DNAH9: variants seen among roughly 807,000 people sequenced by gnomAD.
DNAH9 encodes DNAH9 variant protein.
A neutral mutation model predicts 471.6 loss-of-function variants in DNAH9; 345 were observed. That is an observed-to-expected ratio of 0.73 (90% CI 0.67 to 0.80). DNAH9 has a LOEUF of 0.80. DNAH9 is among the 30% of genes least tolerant of loss of function. The pLI is 0.00. For synonymous variants in DNAH9, 2,093 were observed against 2,123.6 expected, an observed-to-expected ratio of 0.99 and a Z score of 0.40; for missense variants, 5,407 against 5,609.2, an observed-to-expected ratio of 0.96 and a Z score of 1.15.
intron 24 of DNAH9, among the ~76,000 whole-genome samples, chr17:11,702,632 G>A (rs577523073): frequency 2.2e-4 from 34 of 152,292 alleles, no homozygotes; most frequent in African/African-American, 8.2e-4. Flanking sequence ...AACCAAGCAA[G>A]AAACTGTTGG....
intron 8 of DNAH9, among the ~76,000 whole-genome samples, chr17:11,633,194 C>T (rs1259564870): frequency 6.6e-6 from 1 of 152,138 alleles, no homozygotes; most frequent in South Asian, 2.1e-4. Flanking sequence ...GTAGATGATG[C>T]ATAGGTAAAT....
At chr17:11,752,428 C>T (rs1409420070) in intron 32 of DNAH9, among the ~76,000 whole-genome samples, 1 of 152,188 alleles carries the variant, frequency 6.6e-6, no homozygotes, top group East Asian at 1.9e-4. Context: ...ACCTTGGGCA[C>T]TGCCAGGTTT....
chr17:11,742,795 G>A (rs937738697), intron 30 of DNAH9, among the ~76,000 whole-genome samples: 2 of 152,176 alleles, frequency 1.3e-5, no homozygotes, highest in African/African-American at 2.4e-5. Context: ...TGCCTTGAAC[G>A]GAGAATTTCT....
chr17:11,846,998 C>T (rs998460152), intron 49 of DNAH9, among the ~76,000 whole-genome samples: 11 of 151,678 alleles, frequency 7.3e-5, no homozygotes, highest in African/African-American at 2.7e-4. Flanking sequence ...CCCTTTATTT[C>T]CTTCTCCTGC....
At chr17:11,599,376 G>A (rs1344166360) in intron 1 of DNAH9, among the ~76,000 whole-genome samples, 2 of 152,184 alleles carry the variant, frequency 1.3e-5, no homozygotes, top group Non-Finnish European at 1.5e-5. Flanking sequence ...TCAGTGGGGT[G>A]GAAGGAGGTG....
intron 50 of DNAH9, among the ~76,000 whole-genome samples, chr17:11,866,213 G>C (rs1449163636): frequency 1.3e-5 from 2 of 151,846 alleles, no homozygotes; most frequent in African/African-American, 2.4e-5. Flanking sequence ...TGTCCTTTCT[G>C]TTTGTTAGTT....
At chr17:11,807,605 C>T (rs1303502376) in intron 43 of DNAH9, 127 bp from the exon 44 acceptor site, 12 of 1,028,326 alleles carry the variant, frequency 1.2e-5, no homozygotes, top group African/African-American at 6.4e-5. Context: ...ATCTAATAAA[C>T]GTTTCCCACA....
At chr17:11,805,445 A>C (rs1054469708) in intron 43 of DNAH9, among the ~76,000 whole-genome samples, 2 of 149,850 alleles carry the variant, frequency 1.3e-5, no homozygotes, top group Non-Finnish European at 3.0e-5. Context: ...TAACACAGAC[A>C]GGAGCACAGG....
intron 38 of DNAH9, among the ~76,000 whole-genome samples, chr17:11,771,150 G>C (rs950724144): frequency 3.9e-5 from 6 of 151,912 alleles, no homozygotes; most frequent in African/African-American, 1.5e-4. Context: ...TTTTGAGATG[G>C]AGTTTCACTC....
chr17:11,644,504 T>C (rs920599522), intron 10 of DNAH9, 127 bp from the exon 11 acceptor site: 3 of 671,254 alleles, frequency 4.5e-6, no homozygotes, highest in African/African-American at 1.9e-5. Context: ...GAAAGGCTCT[T>C]TCAGGGCTGT....
At chr17:11,714,467 T>G (rs2074926045) in intron 26 of DNAH9, among the ~76,000 whole-genome samples, 1 of 152,222 alleles carries the variant, frequency 6.6e-6, no homozygotes, top group African/African-American at 2.4e-5. Context: ...AGGTAGATAC[T>G]GTTGCATTCA....
chr17:11,842,869 GAC>G (rs999942972), intron 49 of DNAH9, among the ~76,000 whole-genome samples: 4 of 152,154 alleles, frequency 2.6e-5, no homozygotes, highest in African/African-American at 9.7e-5. Context: ...CACCCTCACA[GAC>G]ACACCCAGGA....
At chr17:11,624,864 A>G (rs1430325430) in intron 6 of DNAH9, among the ~76,000 whole-genome samples, 1 of 152,136 alleles carries the variant, frequency 6.6e-6, no homozygotes, top group Non-Finnish European at 1.5e-5. Flanking sequence ...TACAATTTCT[A>G]GGTCTTTATA....
rs568466387 is a variant in DNAH9 at position 11,701,977 on chromosome 17, C to T, written c.5151+730C>T. 1.8e-4 allele frequency among the ~76,000 whole-genome samples: 27 copies of T among 152,294 alleles called. No homozygotes were observed. In the East Asian group the frequency reaches 2.7e-3, roughly 15 times the overall value. The stretch of plus-strand genomic sequence containing the variant: ...GATTACAGACGTGAGCCTCCGCGCC[C>T]GGCCATGACAGGTGTTTTAATAGGG... On this transcript the variant is annotated intron_variant, in intron 24 of 68. Coordinates refer to ENST00000262442, the MANE Select transcript of DNAH9 (RefSeq NM_001372.4).
intron 22 of DNAH9, among the ~76,000 whole-genome samples, chr17:11,697,622 T>A (rs2074499322): frequency 6.6e-6 from 1 of 152,152 alleles, no homozygotes. Context: ...TCTATCCCAT[T>A]TATCTGTATA....
chr17:11,818,779 G>A lies in DNAH9; in HGVS notation c.8708-3141G>A, dbSNP rs148448615. ...TTCAACTTTTTAGCTATAGTGTTTC[G>A]TTCATTCTTACCTCCCTCAGTCTCA... On this transcript the variant is annotated intron_variant, in intron 45 of 68. Coordinates refer to ENST00000262442, the MANE Select transcript of DNAH9 (RefSeq NM_001372.4). 8.1e-3 allele frequency among the ~76,000 whole-genome samples: 1,225 copies of A among 151,758 alleles called. 13 individuals carry two copies. The highest frequency in any genetic ancestry group is 0.028 in the African/African-American group (1,176 of 41,358).
intron 32 of DNAH9, among the ~76,000 whole-genome samples, chr17:11,750,342 TTTG>T (rs1239934234): frequency 6.6e-6 from 1 of 152,190 alleles, no homozygotes; most frequent in Non-Finnish European, 1.5e-5. Flanking sequence ...TATTTATTTA[TTTG>T]TTATCTGTTT....
intron 59 of DNAH9, 112 bp downstream of exon 59, chr17:11,894,608 G>A (rs1973166704): frequency 7.1e-7 from 1 of 1,411,104 alleles, no homozygotes; most frequent in Non-Finnish European, 9.6e-7. Flanking sequence ...GCATGGAGCT[G>A]TGTTAAACAT....
chr17:11,694,505 A>G, intron 22 of DNAH9, 58 bp downstream of exon 22: 1 of 1,601,620 alleles, frequency 6.2e-7, no homozygotes, highest in Non-Finnish European at 8.5e-7. Context: ...GCCCAGCAGG[A>G]GGCAGTTTCT....
Sources: gnomAD v4.1 joint callset for allele counts (sites outside exome capture counted in the v4.1 genomes callset) on GRCh38, gnomAD v4.1.1 for gene constraint, MANE v1.5 for transcripts, NCBI Gene and HGNC (gene_info 2026-07-23, HGNC 2026-07-21) for gene names.